Variants in SLC13A1 observed in about 807,000 individuals in gnomAD.
The protein encoded by SLC13A1 is Na(+)/sulfate cotransporter.
Under a neutral mutation model 70.0 loss-of-function variants are expected in SLC13A1, and 65 were observed. That is an observed-to-expected ratio of 0.93 (90% CI 0.76 to 1.14). The LOEUF (loss-of-function observed/expected upper bound fraction) is 1.14. SLC13A1 is among the 50% of genes most tolerant of loss of function. SLC13A1 has a pLI of 0.00. For synonymous variants in SLC13A1, 275 were observed against 250.5 expected, an observed-to-expected ratio of 1.10 and a Z score of -0.92; for missense variants, 726 against 717.8, an observed-to-expected ratio of 1.01 and a Z score of -0.13.
At chr7:123,171,588 T>C (rs181240667) in intron 3 of SLC13A1, among the ~76,000 whole-genome samples, 180 bp downstream of exon 3, 1 of 152,324 alleles carries the variant, frequency 6.6e-6, no homozygotes, top group African/African-American at 2.4e-5. Flanking sequence ...AGTTGTTTTT[T>C]TTTCCTCCTA....
At chr7:123,148,041 A>C (rs1182064022) in intron 6 of SLC13A1, among the ~76,000 whole-genome samples, 1 of 152,122 alleles carries the variant, frequency 6.6e-6, no homozygotes, top group Non-Finnish European at 1.5e-5. Context: ...TTTCAACACC[A>C]TATACCTCAG....
chr7:123,127,486 G>A (rs1793600130), intron 10 of SLC13A1, among the ~76,000 whole-genome samples: 1 of 152,042 alleles, frequency 6.6e-6, no homozygotes, highest in South Asian at 2.1e-4. Flanking sequence ...TTAAAAGGGG[G>A]AAGCATTATT....
chr7:123,150,202 G>A (rs532288741), intron 6 of SLC13A1, among the ~76,000 whole-genome samples: 4 of 151,898 alleles, frequency 2.6e-5, no homozygotes, highest in African/African-American at 4.8e-5. Context: ...ATCTCTATAC[G>A]TCCCTCTTAA....
intron 7 of SLC13A1, among the ~76,000 whole-genome samples, chr7:123,137,804 T>C (rs2116360099): frequency 6.6e-6 from 1 of 152,266 alleles, no homozygotes; most frequent in East Asian, 1.9e-4. Context: ...ATAGTTGGTG[T>C]ATATATGTAT....
intron 7 of SLC13A1, among the ~76,000 whole-genome samples, chr7:123,146,082 T>C (rs2116408644): frequency 6.6e-6 from 1 of 152,308 alleles, no homozygotes; most frequent in South Asian, 2.1e-4. Flanking sequence ...CCATGGACTT[T>C]CATACTATTG....
rs373383501 is a variant in SLC13A1 at position 123,199,901 on chromosome 7, C to T, written c.46G>A (p.Val16Met). The change falls in exon 1 of 15, where the codon GTG (valine) becomes ATG (methionine). Residue 16 changes from valine (V) to methionine (M), a missense_variant. Transcript: ENST00000194130. The stretch of plus-strand genomic sequence containing the variant: ...AGTAAAACCAACACAGTGAAAACCA[C>T]GAAGAGAAATCGGCGATAAACCAGA... Reference protein sequence around the residue: ...YILVYRRFLFVVFTVLVLLPL... With the variant: ...YILVYRRFLFMVFTVLVLLPL... 11 of 1,612,978 alleles carry T rather than the reference C, an allele frequency of 6.8e-6. No homozygotes were observed. The highest frequency in any genetic ancestry group is 8.5e-6 in the Non-Finnish European group (10 of 1,179,356).
At chr7:123,135,572 T>G (rs532695888) in intron 7 of SLC13A1, among the ~76,000 whole-genome samples, 1 of 152,314 alleles carries the variant, frequency 6.6e-6, no homozygotes, top group Non-Finnish European at 1.5e-5. Context: ...TTTTTCTATT[T>G]TAATCATACT....
At position 123,138,789 on chromosome 7, in the gene SLC13A1, A is replaced by G. The variant is rs115811425; in HGVS notation, c.813-4260T>C. Among the ~76,000 whole-genome samples the G allele has an allele frequency of 3.3e-3, 497 of 152,066 alleles. 4 individuals carry two copies. Among genetic ancestry groups the G allele is most frequent in the African/African-American group, 0.012 (483 of 41,534 alleles). ...TAGATTTTTCCATATAGAGTTGTTT[A>G]AGCTCCTTATATATTTTGGTTATTA... On this transcript the variant is annotated intron_variant, in intron 7 of 14. Coordinates refer to ENST00000194130, the MANE Select transcript of SLC13A1 (RefSeq NM_022444.4).
At chr7:123,169,420 G>T in intron 3 of SLC13A1, 85 bp from the exon 4 acceptor site, 1 of 1,245,042 alleles carries the variant, frequency 8.0e-7, no homozygotes, top group Non-Finnish European at 1.1e-6. Flanking sequence ...TTTAAGATGT[G>T]TTTTGTGAGT....
chr7:123,147,569 G>A (rs1794405196), intron 6 of SLC13A1, among the ~76,000 whole-genome samples: 1 of 151,208 alleles, frequency 6.6e-6, no homozygotes, highest in African/African-American at 2.4e-5. Flanking sequence ...TCTCTGCTAT[G>A]GAAAAAGCCA....
At chr7:123,198,066 A>C (rs891642111) in intron 1 of SLC13A1, among the ~76,000 whole-genome samples, 3 of 152,098 alleles carry the variant, frequency 2.0e-5, no homozygotes, top group Non-Finnish European at 4.4e-5. Flanking sequence ...AAATATTAAA[A>C]TATAGCAGGG....
intron 12 of SLC13A1, among the ~76,000 whole-genome samples, chr7:123,121,279 T>A (rs56736131): frequency 0.43 from 64,921 of 151,896 alleles, 14,013 homozygotes; most frequent in Admixed American, 0.48. Flanking sequence ...GCTCTGGCTT[T>A]TACTGTTGCT....
intron 3 of SLC13A1, among the ~76,000 whole-genome samples, 167 bp from the exon 4 acceptor site, chr7:123,169,502 A>T (rs764411616): frequency 4.6e-5 from 7 of 152,234 alleles, no homozygotes; most frequent in Non-Finnish European, 8.8e-5. Flanking sequence ...GTACCGTGAC[A>T]GCCAGGTAGA....
At chr7:123,180,450 A>G (rs1019150298) in intron 2 of SLC13A1, among the ~76,000 whole-genome samples, 2 of 152,128 alleles carry the variant, frequency 1.3e-5, no homozygotes, top group African/African-American at 2.4e-5. Context: ...CTTTCTTCAG[A>G]TGGGTACTCT....
At chr7:123,187,666 T>A (rs1225379181) in intron 1 of SLC13A1, among the ~76,000 whole-genome samples, 3 of 152,174 alleles carry the variant, frequency 2.0e-5, no homozygotes, top group Admixed American at 2.0e-4. Flanking sequence ...TTAAATAAGG[T>A]TTACTCTATA....
intron 13 of SLC13A1, among the ~76,000 whole-genome samples, chr7:123,118,848 A>G (rs2116250599): frequency 6.6e-6 from 1 of 152,258 alleles, no homozygotes; most frequent in Non-Finnish European, 1.5e-5. Flanking sequence ...TGGACTGAGA[A>G]AAAGTAAGTT....
At chr7:123,199,698 C>CA in intron 1 of SLC13A1, 150 bp downstream of exon 1, 1 of 588,046 alleles carries the variant, frequency 1.7e-6, no homozygotes, top group Non-Finnish European at 3.0e-6. Context: ...AGAAAATGGC[C>CA]AAAACATCAT....
At chr7:123,170,472 G>A (rs1433556475) in intron 3 of SLC13A1, among the ~76,000 whole-genome samples, 2 of 152,200 alleles carry the variant, frequency 1.3e-5, no homozygotes, top group African/African-American at 2.4e-5. Context: ...TGGCATAATG[G>A]ACAGAACTTC....
At chr7:123,148,412 C>A in intron 6 of SLC13A1, 2 of 440,940 alleles carry the variant, frequency 4.5e-6, no homozygotes, top group Non-Finnish European at 9.1e-6. Context: ...ATACCTTGGA[C>A]AATGGCACAT....
Sources: allele counts gnomAD v4.1 joint callset (sites outside exome capture counted in the v4.1 genomes callset), GRCh38; gene constraint gnomAD v4.1.1; transcripts MANE v1.5; gene names NCBI Gene and HGNC (gene_info 2026-07-23, HGNC 2026-07-21).